CADM1: variants seen among roughly 807,000 people sequenced by gnomAD.
CADM1 encodes TSLC-1.
A neutral mutation model predicts 53.1 loss-of-function variants in CADM1; 15 were observed. The ratio of observed to expected loss-of-function variants is 0.28; its 90% CI spans 0.19 to 0.44. The LOEUF is 0.44. Among genes scored for constraint, CADM1 ranks in the 20% least tolerant of loss-of-function variants. CADM1 has a pLI of 1.00. For synonymous variants in CADM1, 281 were observed against 243.0 expected (o/e 1.16, Z -1.45); for missense variants, 434 against 611.3 (o/e 0.71, Z 3.06).
At chr11:115,334,210 T>G (rs555257684) in intron 1 of CADM1, among the ~76,000 whole-genome samples, 87 of 152,278 alleles carry the variant, frequency 5.7e-4, no homozygotes, top group Non-Finnish European at 7.4e-4. Flanking sequence ...ACTACAGTGA[T>G]GTAGTATTTA....
chr11:115,292,526 C>T (rs189173168), intron 1 of CADM1, among the ~76,000 whole-genome samples: 20 of 152,250 alleles, frequency 1.3e-4, no homozygotes, highest in Non-Finnish European at 2.2e-4. Flanking sequence ...CAGAACAAAT[C>T]GGGTGCTCAG....
chr11:115,332,735 G>T (rs552568207), intron 1 of CADM1, among the ~76,000 whole-genome samples: 1 of 152,216 alleles, frequency 6.6e-6, no homozygotes, highest in South Asian at 2.1e-4. Context: ...AGGTAGATTA[G>T]AGTGGTATGA....
At chr11:115,401,181 C>A (rs1003689423) in intron 1 of CADM1, among the ~76,000 whole-genome samples, 2 of 152,228 alleles carry the variant, frequency 1.3e-5, no homozygotes, top group South Asian at 4.1e-4. Flanking sequence ...AATGAGCTAT[C>A]AAGCCATGAA....
At chr11:115,284,622 A>G (rs939225850) in intron 1 of CADM1, among the ~76,000 whole-genome samples, 18 of 152,140 alleles carry the variant, frequency 1.2e-4, no homozygotes, top group African/African-American at 4.3e-4. Flanking sequence ...CCAAATGTCT[A>G]GTTCCTCCTT....
chr11:115,377,182 CATG>C (rs939263522), intron 1 of CADM1: 1 of 152,024 alleles, frequency 6.6e-6, no homozygotes, highest in African/African-American at 2.4e-5. Flanking sequence ...TCCTTGCAAG[CATG>C]ATGATTTCAA....
intron 1 of CADM1, among the ~76,000 whole-genome samples, chr11:115,471,754 G>A (rs925067570): frequency 2.0e-5 from 3 of 152,268 alleles, no homozygotes; most frequent in East Asian, 1.9e-4. Flanking sequence ...GGAGTGAACT[G>A]GAGGGTTTCA....
At chr11:115,248,400 C>T (rs767097808) in intron 1 of CADM1, among the ~76,000 whole-genome samples, 3 of 152,260 alleles carry the variant, frequency 2.0e-5, no homozygotes, top group Non-Finnish European at 2.9e-5. Flanking sequence ...CAAACAATTA[C>T]GACGCTGAAG....
intron 8 of CADM1, among the ~76,000 whole-genome samples, chr11:115,200,755 A>C (rs1287245832): frequency 6.6e-6 from 1 of 152,202 alleles, no homozygotes; most frequent in Non-Finnish European, 1.5e-5. Context: ...TGGCCTCCCA[A>C]AGTGCTGGGA....
chr11:115,320,830 A>G (rs1013793607), intron 1 of CADM1, among the ~76,000 whole-genome samples: 3 of 152,180 alleles, frequency 2.0e-5, no homozygotes, highest in Admixed American at 6.6e-5. Context: ...AAATCAATAT[A>G]AAATGTGGGT....
intron 1 of CADM1, among the ~76,000 whole-genome samples, chr11:115,416,064 T>C (rs1201579928): frequency 6.6e-6 from 1 of 152,208 alleles, no homozygotes; most frequent in Non-Finnish European, 1.5e-5. Flanking sequence ...AATTCATTAT[T>C]ATCTACTGTA....
intron 1 of CADM1, among the ~76,000 whole-genome samples, chr11:115,314,253 T>C (rs1170971599): frequency 6.6e-6 from 1 of 151,970 alleles, no homozygotes; most frequent in African/African-American, 2.4e-5. Context: ...AAAGGGCACA[T>C]GGGGGGACAC....
chr11:115,209,517 A>G, intron 8 of CADM1, 57 bp downstream of exon 8: 2 of 1,610,112 alleles, frequency 1.2e-6, no homozygotes, highest in Non-Finnish European at 1.7e-6. Context: ...CTTTTTATAC[A>G]TACCAGAAAG....
At chr11:115,370,827 T>G (rs1304770681) in intron 1 of CADM1, among the ~76,000 whole-genome samples, 2 of 152,154 alleles carry the variant, frequency 1.3e-5, no homozygotes, top group Non-Finnish European at 2.9e-5. Context: ...GCACCCACAG[T>G]GAATACCTAA....
intron 1 of CADM1, among the ~76,000 whole-genome samples, chr11:115,306,072 C>CCACACACACACACACACACACA (rs6144515): frequency 0.068 from 8,845 of 130,288 alleles, 452 homozygotes; most frequent in Admixed American, 0.082. Flanking sequence ...AGGATATATA[C>CCACACACACACACACACACACA]CACACACACA....
intron 10 of CADM1, among the ~76,000 whole-genome samples, chr11:115,186,699 A>C (rs542073298): frequency 1.1e-3 from 162 of 152,286 alleles, no homozygotes; most frequent in Non-Finnish European, 1.9e-3. Context: ...ATCTTCTATT[A>C]TCTGGCTCAT....
intron 1 of CADM1, among the ~76,000 whole-genome samples, chr11:115,455,836 A>T (rs1049390909): frequency 2.0e-5 from 3 of 152,208 alleles, no homozygotes; most frequent in Admixed American, 6.5e-5. Flanking sequence ...TCAAAGATCA[A>T]GTTGACAGCA....
intron 1 of CADM1, among the ~76,000 whole-genome samples, chr11:115,365,940 G>A (rs1946145310): frequency 6.6e-6 from 1 of 152,192 alleles, no homozygotes; most frequent in Non-Finnish European, 1.5e-5. Flanking sequence ...CACTGGGGCA[G>A]CTGTCTACTG....
At chr11:115,206,404 G>A (rs1940681647) in intron 8 of CADM1, among the ~76,000 whole-genome samples, 2 of 152,152 alleles carry the variant, frequency 1.3e-5, no homozygotes, top group Admixed American at 6.5e-5. Flanking sequence ...CCACCCATGA[G>A]GGGTATGATT....
In CADM1 at chr11:115,504,309, A is replaced by T; in HGVS notation, c.86T>A (p.Leu29Gln). 6.4e-7 allele frequency: 1 copy of T among 1,561,430 alleles called. No individual in the cohort carries two copies. Among genetic ancestry groups the T allele is most frequent in the Non-Finnish European group, 8.7e-7 (1 of 1,153,674 alleles). Residue 29 changes from leucine (L) to glutamine (Q), a missense_variant, in exon 1 of 12, where the codon CTG (leucine) becomes CAG (glutamine). Leu to Gln is a moderately radical substitution (Grantham distance 113). Transcript: ENST00000331581. ...TGCCGCGGCGGAGAAGAGCAACAGC[A>T]GAAGCCGGAGCCGGAGCCCGGGAGG... ...AAPPGLRLRL[L>Q]LLLFSAAALI... is the part of the protein sequence containing the mutation.
Sources: allele counts gnomAD v4.1 joint callset (sites outside exome capture counted in the v4.1 genomes callset), GRCh38; gene constraint gnomAD v4.1.1; transcripts MANE v1.5; gene names NCBI Gene and HGNC (gene_info 2026-07-23, HGNC 2026-07-21).